MSI2: variants seen among roughly 807,000 people sequenced by gnomAD.
The protein encoded by MSI2 is RNA-binding protein Musashi homolog 2.
Under a neutral mutation model 45.6 loss-of-function variants are expected in MSI2, and 17 were observed. The observed-to-expected ratio is 0.37, with a 90% CI of 0.26 to 0.56. The LOEUF (loss-of-function observed/expected upper bound fraction) is 0.56. Ranked by LOEUF, MSI2 falls within the 20% of genes least tolerant of loss-of-function variation. The pLI, the probability that MSI2 is intolerant of heterozygous loss-of-function variation, is 0.77. For synonymous variants in MSI2, 156 were observed against 158.2 expected, an observed-to-expected ratio of 0.99 and a Z score of 0.11; for missense variants, 293 against 444.2, an observed-to-expected ratio of 0.66 and a Z score of 3.06.
intron 5 of MSI2, among the ~76,000 whole-genome samples, chr17:57,388,524 C>G (rs565345584): frequency 6.6e-6 from 1 of 152,322 alleles, no homozygotes; most frequent in Non-Finnish European, 1.5e-5. Flanking sequence ...CTAATCCTAG[C>G]CCGCATGCGG....
At chr17:57,447,591 G>C (rs1456089280) in intron 6 of MSI2, among the ~76,000 whole-genome samples, 5 of 151,854 alleles carry the variant, frequency 3.3e-5, no homozygotes, top group African/African-American at 7.3e-5. Context: ...GGCATGGGTG[G>C]GGGGGGTGTC....
intron 5 of MSI2, chr17:57,267,322 A>G (rs1371408221): frequency 1.3e-5 from 2 of 152,268 alleles, no homozygotes; most frequent in African/African-American, 4.8e-5. Context: ...AGCAGGTGTC[A>G]GCTTAAGGAG....
At chr17:57,631,815 T>A in intron 10 of MSI2, 1 of 1,613,776 alleles carries the variant, frequency 6.2e-7, no homozygotes, top group Non-Finnish European at 8.5e-7. Flanking sequence ...TCACAAGACA[T>A]AATTTTTATC....
At chr17:57,368,087 C>T (rs1019823009) in intron 5 of MSI2, among the ~76,000 whole-genome samples, 2 of 152,316 alleles carry the variant, frequency 1.3e-5, no homozygotes, top group South Asian at 4.1e-4. Flanking sequence ...TCCTGATAAC[C>T]TTTCAAAGAG....
At position 57,612,488 on chromosome 17, in the gene MSI2, C is replaced by T. The variant is rs914395266; in HGVS notation, c.538-3482C>T. ...TGTTAACTGTTACCTGCTGCCTTCC[C>T]CTGTCATTCAGATGCCCAGGACAGG... On this transcript the variant is annotated intron_variant, in intron 8 of 13. Coordinates refer to ENST00000284073, the MANE Select transcript of MSI2 (RefSeq NM_138962.4). Among the ~76,000 whole-genome samples, 5 of 129,126 alleles carry T rather than the reference C, an allele frequency of 3.9e-5. 1 individual carries two copies. The highest frequency in any genetic ancestry group is 1.4e-4 in the African/African-American group (5 of 36,620). 84.7% of individuals were successfully genotyped at this position (129,126 alleles called of 152,430 possible). A position where few individuals can be genotyped will look rare whatever the true frequency, so the allele number is the denominator to read the frequency against.
At chr17:57,522,000 C>G (rs1484515378) in intron 6 of MSI2, among the ~76,000 whole-genome samples, 1 of 152,220 alleles carries the variant, frequency 6.6e-6, no homozygotes, top group Non-Finnish European at 1.5e-5. Context: ...ACACATTATT[C>G]CTGAGCTTTA....
chr17:57,673,161 G>A (rs138526762), intron 11 of MSI2, among the ~76,000 whole-genome samples: 51 of 152,298 alleles, frequency 3.3e-4, no homozygotes, highest in African/African-American at 1.2e-3. Flanking sequence ...GTGTATCTTT[G>A]TGTCTCTGTC....
intron 3 of MSI2, 110 bp downstream of exon 3, chr17:57,257,657 G>C: frequency 4.0e-6 from 3 of 752,796 alleles, no homozygotes; most frequent in South Asian, 3.4e-5. Flanking sequence ...GCTCAGGCGC[G>C]TGGCTGATCT....
At chr17:57,676,359 A>T (rs1254532297) in intron 12 of MSI2, among the ~76,000 whole-genome samples, 1 of 152,234 alleles carries the variant, frequency 6.6e-6, no homozygotes, top group Non-Finnish European at 1.5e-5. Context: ...CTCCCAAGCC[A>T]GTATCACTTA....
At chr17:57,431,142 A>G (rs1428803019) in intron 6 of MSI2, among the ~76,000 whole-genome samples, 1 of 152,152 alleles carries the variant, frequency 6.6e-6, no homozygotes, top group Non-Finnish European at 1.5e-5. Flanking sequence ...TCCCGTTTTG[A>G]AGAATTTATC....
intron 5 of MSI2, among the ~76,000 whole-genome samples, chr17:57,335,199 G>A (rs1914607507): frequency 6.7e-6 from 1 of 149,778 alleles, no homozygotes; most frequent in Non-Finnish European, 1.5e-5. Flanking sequence ...TGAGAAGCCA[G>A]CAAGTATGAA....
intron 8 of MSI2, 27 bp from the exon 9 acceptor site, chr17:57,615,943 T>A: frequency 6.5e-7 from 1 of 1,538,528 alleles, no homozygotes. Context: ...CATTTGCATC[T>A]CATTTGTTCG....
At chr17:57,314,596 G>A (rs971988552) in intron 5 of MSI2, among the ~76,000 whole-genome samples, 4 of 126,220 alleles carry the variant, frequency 3.2e-5, no homozygotes, top group Non-Finnish European at 6.4e-5. Context: ...TTTTTGAGAT[G>A]GAGCCTTGCT....
intron 7 of MSI2, among the ~76,000 whole-genome samples, chr17:57,531,483 T>G (rs867245417): frequency 3.3e-5 from 5 of 152,190 alleles, no homozygotes; most frequent in Admixed American, 6.5e-5. Flanking sequence ...GATTTCAAAT[T>G]CTGCTGTTTC....
At chr17:57,387,552 A>G (rs552772671) in intron 5 of MSI2, among the ~76,000 whole-genome samples, 2 of 152,344 alleles carry the variant, frequency 1.3e-5, no homozygotes, top group South Asian at 4.1e-4. Context: ...GTTAAGGCAG[A>G]TAAAGACACT....
intron 5 of MSI2, among the ~76,000 whole-genome samples, chr17:57,366,325 A>G (rs1328524221): frequency 6.6e-6 from 1 of 152,190 alleles, no homozygotes; most frequent in Non-Finnish European, 1.5e-5. Context: ...GCTGGACAGC[A>G]TCTGTCTCCC....
intron 5 of MSI2, among the ~76,000 whole-genome samples, chr17:57,344,653 T>C (rs59902559): frequency 0.036 from 5,501 of 152,280 alleles, 120 homozygotes; most frequent in South Asian, 0.042. Context: ...TGTACACATA[T>C]ACACACAGAT....
rs200133663 is a variant in MSI2, at chr17:57,262,209, A to G, written c.312+17A>G. The G allele has an allele frequency of 7.4e-6, 12 of 1,613,894 alleles. No individual in the cohort carries two copies. In the Admixed American group the frequency reaches 8.3e-5, roughly 11 times the overall value. The stretch of plus-strand genomic sequence containing the variant: ...CAACCCAAGGTAAGTAGGAGAATAA[A>G]CAGTAGGATTTTAGCACTCAGAGAT... On this transcript the variant is annotated intron_variant, in intron 5 of 13. Transcript: ENST00000284073.
At chr17:57,526,772 T>A (rs2086711504) in intron 6 of MSI2, among the ~76,000 whole-genome samples, 1 of 152,184 alleles carries the variant, frequency 6.6e-6, no homozygotes. Flanking sequence ...CTTTCCTCTC[T>A]AGCTCCTTCT....
Sources: gnomAD v4.1 joint callset for allele counts (sites outside exome capture counted in the v4.1 genomes callset) on GRCh38, gnomAD v4.1.1 for gene constraint, MANE v1.5 for transcripts, NCBI Gene and HGNC (gene_info 2026-07-23, HGNC 2026-07-21) for gene names.